Variants in PPP2R2C observed in about 807,000 individuals in gnomAD.
PPP2R2C encodes the protein protein phosphatase 2, regulatory subunit B, gamma.
PPP2R2C carries 10 observed loss-of-function variants against 45.3 expected under a neutral mutation model. The observed-to-expected ratio is 0.22, with a 90% confidence interval of 0.14 to 0.37. The LOEUF (loss-of-function observed/expected upper bound fraction) is 0.37, where lower values mean the gene tolerates loss of function less well. PPP2R2C is among the 10% of genes least tolerant of loss of function. The pLI is 1.00. For synonymous variants in PPP2R2C, 257 were observed against 245.4 expected (o/e 1.05, Z -0.44); for missense variants, 308 against 619.7 (o/e 0.50, Z 5.34).
At chr4:6,340,129 C>T (rs1055633832) in intron 6 of PPP2R2C, among the ~76,000 whole-genome samples, 4 of 152,140 alleles carry the variant, frequency 2.6e-5, no homozygotes, top group Non-Finnish European at 5.9e-5. Context: ...AGTTGTCACT[C>T]CCTGCCCAGC....
At chr4:6,549,473 C>T (rs912094137) in intron 1 of PPP2R2C, among the ~76,000 whole-genome samples, 5 of 152,200 alleles carry the variant, frequency 3.3e-5, no homozygotes, top group Non-Finnish European at 7.3e-5. Context: ...AAGGGAGTCC[C>T]AGGCAGAATC....
chr4:6,410,135 C>T (rs1198806827), intron 1 of PPP2R2C, among the ~76,000 whole-genome samples: 1 of 152,212 alleles, frequency 6.6e-6, no homozygotes, highest in African/African-American at 2.4e-5. Context: ...GGCCCACTCT[C>T]TTTAGAGCCC....
At chr4:6,501,483 G>A (rs1282143297) in intron 2 of PPP2R2C, among the ~76,000 whole-genome samples, 1 of 152,216 alleles carries the variant, frequency 6.6e-6, no homozygotes, top group Admixed American at 6.5e-5. Flanking sequence ...TCAGCTGGGG[G>A]ACCATGCCCC....
rs1732497018 is a variant in PPP2R2C, at chr4:6,332,613, G to C, written c.960+949C>G. ...GGAGGAAAGGAAAGCGTAGGGCTCT[G>C]AGCCTGGGCTCTGAATCTGTCACCG... On this transcript the variant is annotated intron_variant, in intron 7 of 8. Coordinates refer to ENST00000382599, the MANE Select transcript of PPP2R2C (RefSeq NM_020416.4). This position sits in a 1 kb window ranked among gnomAD's most constrained non-coding sequence, Gnocchi z 4.9. 6.6e-6 allele frequency among the ~76,000 whole-genome samples: 1 copy of C among 152,192 alleles called. No individual in the cohort carries two copies. The highest frequency in any genetic ancestry group is 2.4e-5 in the African/African-American group (1 of 41,450).
At chr4:6,336,386 G>T (rs1035577470) in intron 6 of PPP2R2C, among the ~76,000 whole-genome samples, 1 of 152,072 alleles carries the variant, frequency 6.6e-6, no homozygotes, top group Non-Finnish European at 1.5e-5. Context: ...AGGGAGCTGG[G>T]AGAGAACAGG....
chr4:6,415,772 G>A (rs1022634860), intron 1 of PPP2R2C, among the ~76,000 whole-genome samples: 4 of 152,212 alleles, frequency 2.6e-5, no homozygotes, highest in Admixed American at 2.0e-4. Flanking sequence ...CCTCTCTGGT[G>A]TCTGAATCCT....
intron 1 of PPP2R2C, among the ~76,000 whole-genome samples, chr4:6,408,971 A>G (rs111777325): frequency 1.5e-3 from 219 of 149,162 alleles, no homozygotes; most frequent in African/African-American, 5.2e-3. Flanking sequence ...CAAGTGTTGC[A>G]TTTTATTCAC....
At chr4:6,439,126 G>A (rs866107171) in intron 1 of PPP2R2C, among the ~76,000 whole-genome samples, 8 of 152,252 alleles carry the variant, frequency 5.3e-5, no homozygotes, top group African/African-American at 1.9e-4. Flanking sequence ...TCTAGAAACA[G>A]GTAGAAGAGA....
chr4:6,356,813 C>T (rs561691571), intron 5 of PPP2R2C, among the ~76,000 whole-genome samples: 6 of 151,270 alleles, frequency 4.0e-5, no homozygotes, highest in African/African-American at 1.2e-4. Context: ...CTGGACTCTG[C>T]GTCATCTGAG....
chr4:6,382,477 C>A (rs565719502), intron 1 of PPP2R2C: 1 of 1,352,112 alleles, frequency 7.4e-7, no homozygotes, highest in Non-Finnish European at 9.8e-7. Flanking sequence ...CAGTGCATCC[C>A]TGTGTCCCTC....
chr4:6,495,503 C>G (rs1054454888), intron 2 of PPP2R2C, among the ~76,000 whole-genome samples: 2 of 152,216 alleles, frequency 1.3e-5, no homozygotes, highest in Non-Finnish European at 2.9e-5. Context: ...CCCTGCCCGC[C>G]CCCACACTCT....
intron 1 of PPP2R2C, among the ~76,000 whole-genome samples, chr4:6,447,160 G>A (rs1720467239): frequency 6.6e-6 from 1 of 152,110 alleles, no homozygotes; most frequent in African/African-American, 2.4e-5. Context: ...TCTCACCAAG[G>A]AGCCCCGGGG....
At chr4:6,396,296 C>T (rs529152307) in intron 1 of PPP2R2C, among the ~76,000 whole-genome samples, 5 of 152,316 alleles carry the variant, frequency 3.3e-5, no homozygotes, top group South Asian at 2.1e-4. Context: ...ATGAGAGTGA[C>T]GGAGCTGCAG....
chr4:6,393,577 AC>A (rs961562020), intron 1 of PPP2R2C, among the ~76,000 whole-genome samples: 3 of 152,048 alleles, frequency 2.0e-5, no homozygotes, highest in African/African-American at 7.3e-5. Context: ...CCGGCCTCCA[AC>A]CCGTGTCTGC....
chr4:6,384,193 C>A (rs6858396), intron 1 of PPP2R2C: 835,337 of 985,390 alleles, frequency 0.85, 354,733 homozygotes, highest in East Asian at 1. Context: ...AACCACCCAG[C>A]CCAGCTGTGC....
chr4:6,406,294 G>A (rs990566801), intron 1 of PPP2R2C, among the ~76,000 whole-genome samples: 4 of 152,212 alleles, frequency 2.6e-5, no homozygotes, highest in Non-Finnish European at 5.9e-5. Flanking sequence ...CCATGGGGAA[G>A]TTGGTCTTTC....
intron 6 of PPP2R2C, among the ~76,000 whole-genome samples, chr4:6,338,064 C>T (rs560309763): frequency 2.0e-5 from 3 of 152,094 alleles, no homozygotes; most frequent in South Asian, 2.1e-4. Flanking sequence ...CCCGCTGCAC[C>T]ACCTTCAGAG....
rs144219910 is a variant in PPP2R2C at position 6,337,220 on chromosome 4, A to G, written c.791-3489T>C. On this transcript the variant is annotated intron_variant, in intron 6 of 8. Coordinates refer to ENST00000382599, the MANE Select transcript of PPP2R2C (RefSeq NM_020416.4). ...CAACCACAGTTCCCTTTTCTCTCTG[A>G]TGCCTACCGTAAAGAAAATCACTTC... is the stretch of plus-strand genomic sequence containing the variant. Among the ~76,000 whole-genome samples the G allele has an allele frequency of 8.4e-3, 1,140 of 135,342 alleles. 13 individuals are homozygous for G. Among genetic ancestry groups the G allele is most frequent in the African/African-American group, 0.03 (1,083 of 36,490 alleles). The allele number at this position is 135,342 out of a possible 152,430, so 88.8% of individuals were successfully genotyped here.
intron 1 of PPP2R2C, among the ~76,000 whole-genome samples, chr4:6,410,151 T>G (rs1718066423): frequency 6.6e-6 from 1 of 152,048 alleles, no homozygotes; most frequent in Non-Finnish European, 1.5e-5. Flanking sequence ...AGCCCAAAGG[T>G]GTGAGCCCTC....
Sources: gnomAD v4.1 joint callset for allele counts (sites outside exome capture counted in the v4.1 genomes callset) on GRCh38, gnomAD v4.1.1 for gene constraint, Gnocchi (gnomAD v3.1) non-coding constraint, MANE v1.5 for transcripts, NCBI Gene and HGNC (gene_info 2026-07-23, HGNC 2026-07-21) for gene names.